Variants in KRT85 observed in about 807,000 individuals in gnomAD.
KRT85 encodes keratin 85.
KRT85 carries 39 observed loss-of-function variants against 53.7 expected under a neutral mutation model. The observed-to-expected ratio is 0.73, with a 90% CI of 0.56 to 0.95. The LOEUF (loss-of-function observed/expected upper bound fraction) is 0.95. Among genes scored for constraint, KRT85 ranks in the 40% least tolerant of loss-of-function variants. KRT85 has a pLI of 0.00. For missense variants in KRT85, 668 were observed against 686.0 expected, an observed-to-expected ratio of 0.97 and a Z score of 0.29; for synonymous variants, 291 against 277.5, an observed-to-expected ratio of 1.05 and a Z score of -0.48.
Position 52,360,862 on chromosome 12 carries a change from G to A in KRT85, c.1515C>T (p.Arg505=). 9 of 1,612,260 alleles carry A rather than the reference G, an allele frequency of 5.6e-6. No homozygotes were observed. Among genetic ancestry groups the A allele is most frequent in the Non-Finnish European group, 7.6e-6 (9 of 1,180,024 alleles). Reference sequence around the variant, plus strand: ...TGGCTCCATGACTCTACTAGGCAAAGCGGACCGACCGGCTACTCCCGCAGC... The same window carrying A: ...TGGCTCCATGACTCTACTAGGCAAAACGGACCGACCGGCTACTCCCGCAGC... ...SFSCGSSRSV[R]FA is the part of the protein sequence containing the mutation. The change falls in exon 9 of 9, where the codon CGC becomes CGT. Residue 505 remains arginine (R), a synonymous_variant. Coordinates refer to ENST00000257901, the MANE Select transcript of KRT85 (RefSeq NM_002283.4).
At chr12:52,362,112 C>T (rs1592141038) in intron 7 of KRT85, 139 bp downstream of exon 7, 4 of 1,077,504 alleles carry the variant, frequency 3.7e-6, no homozygotes, top group Non-Finnish European at 5.6e-6. Context: ...CAGAAGCATT[C>T]AGTTATTATT....
In KRT85 at chr12:52,365,107, G is replaced by A. The variant is rs774182345; in HGVS notation, c.484C>T (p.Arg162Cys). 5.2e-5 allele frequency: 84 copies of A among 1,614,214 alleles called. No individual in the cohort carries two copies. Among genetic ancestry groups the A allele is most frequent in the Non-Finnish European group, 6.8e-5 (80 of 1,180,056 alleles). ...ETKWQFYQNQ[R>C]CCESNLEPLF... is the part of the protein sequence containing the mutation. Reference sequence around the variant, plus strand: ...GGCTCCAGGTTGCTCTCGCAGCAGCGCTGGTTCTGGTAGAACTGCCACTTG... The same window carrying A: ...GGCTCCAGGTTGCTCTCGCAGCAGCACTGGTTCTGGTAGAACTGCCACTTG... The change falls in exon 2 of 9, where the codon CGC becomes TGC. Residue 162 changes from arginine (R) to cysteine (C), a missense_variant. Arg to Cys is a radical substitution (Grantham distance 180, BLOSUM62 -3). This residue lies in a region of KRT85 where 488 missense variants were observed against 498.1 expected (regional missense o/e 0.98). Coordinates refer to ENST00000257901, the MANE Select transcript of KRT85 (RefSeq NM_002283.4).
intron 2 of KRT85, 40 bp from the exon 3 acceptor site, chr12:52,364,406 GACCTTGAAT>G: frequency 3.1e-6 from 5 of 1,614,128 alleles, no homozygotes; most frequent in Non-Finnish European, 3.4e-6. Flanking sequence ...TGAGAAACTG[GACCTTGAAT>G]ACCATCCCAA....
At chr12:52,364,043 G>A (rs1352649304) in intron 4 of KRT85, 25 bp downstream of exon 4, 1 of 1,585,084 alleles carries the variant, frequency 6.3e-7, no homozygotes, top group Admixed American at 1.7e-5. Flanking sequence ...CACCTGCCCT[G>A]GCTGGGTGGC....
rs1370281491 is a variant in KRT85, at chr12:52,367,323, G to A, written c.83C>T (p.Thr28Ile). Residue 28 changes from threonine (T) to isoleucine (I), a missense_variant, in exon 1 of 9, where the codon ACT (threonine) becomes ATT (isoleucine). Coordinates refer to ENST00000257901, the MANE Select transcript of KRT85 (RefSeq NM_002283.4). ...FSSCSAVAPK[T>I]GNRCCISAAP... is the part of the protein sequence containing the mutation. The stretch of plus-strand genomic sequence containing the variant: ...GGCGCTGATGCAGCAGCGGTTGCCA[G>A]TTTTGGGGGCCACAGCTGAGCAGGA... The A allele has an allele frequency of 6.2e-7, 1 of 1,614,076 alleles. No homozygotes were observed. Among genetic ancestry groups the A allele is most frequent in the Admixed American group, 1.7e-5 (1 of 60,030 alleles).
In KRT85 at chr12:52,360,995, G is replaced by A. The variant is rs1451844696; in HGVS notation, c.1382C>T (p.Thr461Ile). 2.3e-5 allele frequency: 37 copies of A among 1,613,614 alleles called. No homozygotes were observed. The highest frequency in any genetic ancestry group is 3.1e-5 in the Non-Finnish European group (36 of 1,179,872). The change falls in exon 9 of 9, where the codon ACC (threonine) becomes ATC (isoleucine). Residue 461 changes from threonine to isoleucine, a missense_variant. Physicochemically the swap from Thr to Ile is moderately conservative, Grantham distance 89. Coordinates refer to ENST00000257901, the MANE Select transcript of KRT85 (RefSeq NM_002283.4). ...GVSCGGLSYS[T>I]TPGRQITSGP... ...AGAAGTGATCTGGCGCCCTGGGGTG[G>A]TGCTGTAGGAGAGGCCCCCACAGGA...
At position 52,364,098 on chromosome 12, in the gene KRT85, C is replaced by A; in HGVS notation, c.756G>T (p.Glu252Asp). 3 of 1,614,092 alleles carry A rather than the reference C, an allele frequency of 1.9e-6. No individual in the cohort carries two copies. Among genetic ancestry groups the A allele is most frequent in the Non-Finnish European group, 2.5e-6 (3 of 1,180,032 alleles). The change falls in exon 4 of 9, where the codon GAG becomes GAT. Residue 252 changes from glutamate to aspartate, a missense_variant. Physicochemically the swap from Glu to Asp is conservative, Grantham distance 45. This residue lies in a region of KRT85 where 488 missense variants were observed against 498.1 expected (regional missense o/e 0.98). Transcript: ENST00000257901. ...LEANVEALVE[E>D]SSFLRRLYEE... ...CATAGAGGCGCCTCAGGAAGCTAGA[C>A]TCCTCCACCAGGGCCTCCACATTGG... is the stretch of plus-strand genomic sequence containing the variant.
Position 52,362,477 on chromosome 12 carries a change from A to C in KRT85, c.1078-6T>G, listed in dbSNP as rs555881693. The C allele has an allele frequency of 1.1e-5, 17 of 1,613,994 alleles. No individual in the cohort carries two copies. In the African/African-American group the frequency reaches 2.0e-4, roughly 19 times the overall value. ...GCAGCCTCCAGCTTGGCACGCTATCAGGTGGAGATACAAGGGCCAGGATGA... is the reference window on the plus strand; with the variant it reads ...GCAGCCTCCAGCTTGGCACGCTATCCGGTGGAGATACAAGGGCCAGGATGA... On this transcript the variant is annotated splice_region_variant and splice_polypyrimidine_tract_variant and intron_variant, in intron 6 of 8. Transcript: ENST00000257901.
rs1391588305 is a variant in KRT85, at chr12:52,360,639, A to G, written c.*214T>C. The G allele has an allele frequency of 1.6e-6, 1 of 607,648 alleles. No individual in the cohort carries two copies. The highest frequency in any genetic ancestry group is 2.0e-5 in the South Asian group (1 of 51,208). 37.6% of individuals were successfully genotyped at this position (607,648 alleles called of 1,614,324 possible). On this transcript the variant is annotated 3_prime_UTR_variant, in exon 9 of 9. Coordinates refer to ENST00000257901, the MANE Select transcript of KRT85 (RefSeq NM_002283.4). The stretch of plus-strand genomic sequence containing the variant: ...AAGTGAAGGGCTGGGAATGCCTCTG[A>G]AAACAGCTGCCAGGAGGACAACTAG...
chr12:52,367,044 T>C lies in KRT85; in HGVS notation c.362A>G (p.Gln121Arg), dbSNP rs1258617889. 3 of 1,613,878 alleles carry C rather than the reference T, an allele frequency of 1.9e-6. No individual in the cohort carries two copies. The highest frequency in any genetic ancestry group is 1.7e-6 in the Non-Finnish European group (2 of 1,179,878). Residue 121 changes from glutamine to arginine, a missense_variant, in exon 1 of 9, where the codon CAG becomes CGG. Coordinates refer to ENST00000257901, the MANE Select transcript of KRT85 (RefSeq NM_002283.4). ...GGACTTGATCTGCTCCTTCTCCTCC[T>C]GCTTCACGCACTGTGCGTTGGGGTC... ...EIDPNAQCVK[Q>R]EEKEQIKSLN...
rs1197944707 is a variant in KRT85 at position 52,367,379 on chromosome 12, G to A, written c.27C>T (p.Ser9=). MSCRSYRI[S]SGCGVTRNFS... ...AGTTCCTGGTGACCCCGCATCCTGAGCTGATCCTGTAGGAGCGGCACGACA... is the reference window on the plus strand; with the variant it reads ...AGTTCCTGGTGACCCCGCATCCTGAACTGATCCTGTAGGAGCGGCACGACA... Residue 9 remains serine, a synonymous_variant, in exon 1 of 9, where the codon AGC becomes AGT. Transcript: ENST00000257901. The A allele has an allele frequency of 1.9e-6, 3 of 1,614,010 alleles. No individual in the cohort carries two copies. The highest frequency in any genetic ancestry group is 2.5e-6 in the Non-Finnish European group (3 of 1,180,032).
Position 52,361,477 on chromosome 12 carries a change from A to G in KRT85, c.1320T>C (p.Ser440=), listed in dbSNP as rs762489383. The change falls in exon 8 of 9, where the codon TCT becomes TCC. Residue 440 remains serine (S), a synonymous_variant. Transcript: ENST00000257901. ...CAGGCAGATACTCACAGACATTCAC[A>G]GAGCCCACACCTTCACACAGCCTAT... ...EEHRLCEGVG[S]VNVCVSSSRG... 1.9e-6 allele frequency: 3 copies of G among 1,614,048 alleles called. No individual in the cohort carries two copies. The highest frequency in any genetic ancestry group is 1.1e-5 in the South Asian group (1 of 91,086).
rs778347930 is a variant in KRT85, at chr12:52,364,199, G to A, written c.691-36C>T. On this transcript the variant is annotated intron_variant, in intron 3 of 8. Transcript: ENST00000257901. ...GACAAAGAGGAGGGGACATGCATGT[G>A]AGAGGAGACCAAAGAAAGGTGCCTT... 1.9e-5 allele frequency: 30 copies of A among 1,612,764 alleles called. 1 individual carries two copies. In the Middle Eastern group the frequency reaches 4.9e-4, roughly 27 times the overall value.
At chr12:52,362,744 C>G in intron 6 of KRT85, 110 bp downstream of exon 6, 1 of 1,535,918 alleles carries the variant, frequency 6.5e-7, no homozygotes, top group Non-Finnish European at 9.0e-7. Flanking sequence ...GATAGAGCCC[C>G]TCCCTTCCCT....
chr12:52,364,990 G>C lies in KRT85; in HGVS notation c.601C>G (p.Gln201Glu). Reference sequence around the variant, plus strand: ...TTCTTGTAGCCCTCCAGCACCTCCTGCACATGGTTGAGCTCTGAGGCCAGC... The same window carrying C: ...TTCTTGTAGCCCTCCAGCACCTCCTCCACATGGTTGAGCTCTGAGGCCAGC... ...GRLASELNHV[Q>E]EVLEGYKKKY... Residue 201 changes from glutamine to glutamate, a missense_variant, in exon 2 of 9, where the codon CAG (glutamine) becomes GAG (glutamate). Gln to Glu is a conservative substitution (Grantham distance 29, BLOSUM62 2). This residue lies in a region of KRT85 where 488 missense variants were observed against 498.1 expected (regional missense o/e 0.98). Coordinates refer to ENST00000257901, the MANE Select transcript of KRT85 (RefSeq NM_002283.4). 6.2e-7 allele frequency: 1 copy of C among 1,612,870 alleles called. No individual in the cohort carries two copies. Among genetic ancestry groups the C allele is most frequent in the Non-Finnish European group, 8.5e-7 (1 of 1,179,980 alleles).
Position 52,362,411 on chromosome 12 carries a change from C to T in KRT85, c.1138G>A (p.Asp380Asn), listed in dbSNP as rs376902194. The T allele has an allele frequency of 1.2e-5, 19 of 1,614,016 alleles. No individual in the cohort carries two copies. Among genetic ancestry groups the T allele is most frequent in the African/African-American group, 9.3e-5 (7 of 74,938 alleles). The part of the protein sequence containing the change: ...AEQQGEAALS[D>N]ARCKLAELEG... The stretch of plus-strand genomic sequence containing the variant: ...AGCTCAGCCAGCTTGCAGCGGGCAT[C>T]GCTGAGGGCCGCCTCACCCTGCTGC... The change falls in exon 7 of 9, where the codon GAT becomes AAT. Residue 380 changes from aspartate (D) to asparagine (N), a missense_variant. Around this residue, in one of 3 missense-constraint regions of KRT85, gnomAD observed 488 missense variants for 498.1 expected, o/e 0.98. Coordinates refer to ENST00000257901, the MANE Select transcript of KRT85 (RefSeq NM_002283.4).
intron 4 of KRT85, 67 bp downstream of exon 4, chr12:52,364,001 C>T: frequency 8.2e-7 from 1 of 1,224,490 alleles, no homozygotes; most frequent in South Asian, 1.2e-5. Flanking sequence ...GCACCCTTGC[C>T]TCACTGCTCC....
chr12:52,364,749 TC>T, intron 2 of KRT85: 1 of 1,368,504 alleles, frequency 7.3e-7, no homozygotes, highest in Non-Finnish European at 9.8e-7. Context: ...CTCTCTTCAT[TC>T]CCCCAGAAGT....
rs764225566 is a variant in KRT85 at position 52,364,160 on chromosome 12, C to T, written c.694G>A (p.Val232Met). The change falls in exon 4 of 9, where the codon GTG becomes ATG. Residue 232 changes from valine (V) to methionine (M), a missense_variant. Physicochemically the swap from Val to Met is conservative, Grantham distance 21. This residue lies in a region of KRT85 where 488 missense variants were observed against 498.1 expected (regional missense o/e 0.98). Transcript: ENST00000257901. ...ENEFVVLKKDVDCAYLRKSDL... is the reference protein window; with the variant it reads ...ENEFVVLKKDMDCAYLRKSDL... ...GATTTCCGCAGGTAGGCACAGTCCA[C>T]GTCCTGGCCGTGGGACAAAGAGGAG... is the stretch of plus-strand genomic sequence containing the variant. The T allele has an allele frequency of 1.1e-5, 18 of 1,614,024 alleles. No homozygotes were observed. Among genetic ancestry groups the T allele is most frequent in the South Asian group, 3.3e-5 (3 of 91,090 alleles).
Sources: gnomAD v4.1 joint callset for allele counts on GRCh38, gnomAD v4.1.1 for gene constraint, gnomAD v4.1.1 regional missense constraint, MANE v1.5 for transcripts, NCBI Gene and HGNC (gene_info 2026-07-23, HGNC 2026-07-21) for gene names.